The following SYMPK variants were observed in gnomAD, a reference collection of about 807,000 sequenced individuals.
The protein encoded by SYMPK is symplekin scaffold protein.
A neutral mutation model predicts 136.4 loss-of-function variants in SYMPK; 49 were observed. That is an observed-to-expected ratio of 0.36 (90% CI 0.29 to 0.46). The LOEUF (loss-of-function observed/expected upper bound fraction) is 0.46, where lower values mean the gene tolerates loss of function less well. Ranked by LOEUF, SYMPK falls within the 20% of genes least tolerant of loss-of-function variation. The pLI, the probability that SYMPK is intolerant of heterozygous loss-of-function variation, is 1.00. For missense variants in SYMPK, 1,365 were observed against 1,690.0 expected (o/e 0.81, Z 3.37); for synonymous variants, 766 against 713.0 (o/e 1.07, Z -1.19).
chr19:45,822,919 C>A (rs1970941266), intron 20 of SYMPK, 73 bp from the exon 21 acceptor site: 2 of 1,287,738 alleles, frequency 1.6e-6, no homozygotes, highest in African/African-American at 1.5e-5. Flanking sequence ...CAAGCCACCC[C>A]TTCTGCTCGC....
In SYMPK at chr19:45,821,584, T is replaced by A; in HGVS notation, c.2792-99A>T. The A allele has an allele frequency of 1.3e-6, 1 of 763,574 alleles. No individual in the cohort carries two copies. The highest frequency in any genetic ancestry group is 2.2e-6 in the Non-Finnish European group (1 of 453,976). The allele number at this position is 763,574 out of a possible 1,614,324, so 47.3% of individuals were successfully genotyped here. A position where few individuals can be genotyped will look rare whatever the true frequency, so the allele number is the denominator to read the frequency against. Reference sequence around the variant, plus strand: ...AGATCGGGGGAGCTGCGAGCAAAGATGAGGTGCCCTCTGCTTTCAGGGCTG... The same window carrying A: ...AGATCGGGGGAGCTGCGAGCAAAGAAGAGGTGCCCTCTGCTTTCAGGGCTG... On this transcript the variant is annotated intron_variant, in intron 21 of 26. Transcript: ENST00000245934. The surrounding 1 kb of genome is among the most constrained non-coding windows in gnomAD (Gnocchi z 4.4).
chr19:45,831,876 CAGGCTGGAGTACGG>C (rs1971184889), intron 11 of SYMPK, among the ~76,000 whole-genome samples: 1 of 148,854 alleles, frequency 6.7e-6, no homozygotes, highest in Admixed American at 6.6e-5. Flanking sequence ...CTCTGTCACC[CAGGCTGGAGTACGG>C]TGGTGCAATC....
chr19:45,855,240 G>C (rs577435607), intron 1 of SYMPK: 1 of 152,292 alleles, frequency 6.6e-6, no homozygotes, highest in African/African-American at 2.4e-5. Context: ...GCACATAGTA[G>C]GCACTCAATA....
In SYMPK at chr19:45,818,094, G is replaced by A. The variant is rs947458773; in HGVS notation, c.2946C>T (p.Ala982=). 13 of 1,557,894 alleles carry A rather than the reference G, an allele frequency of 8.3e-6. No homozygotes were observed. The highest frequency in any genetic ancestry group is 4.1e-5 in the African/African-American group (3 of 73,340). Residue 982 remains alanine, a synonymous_variant, in exon 23 of 27, where the codon GCC becomes GCT. Transcript: ENST00000245934. ...ERNVYTSEVL[A]VVMQQLMEQS... Reference sequence around the variant, plus strand: ...GCTCCATCAGCTGCTGCATCACCACGGCCAGCACCTCTGACGTGTACACGT... The same window carrying A: ...GCTCCATCAGCTGCTGCATCACCACAGCCAGCACCTCTGACGTGTACACGT...
At chr19:45,817,070 A>C in intron 23 of SYMPK, 96 bp from the exon 24 acceptor site, 1 of 1,260,350 alleles carries the variant, frequency 7.9e-7, no homozygotes, top group Non-Finnish European at 1.1e-6. Context: ...CCATGCCCAA[A>C]TCCCACCATC....
At chr19:45,830,278 T>C in intron 12 of SYMPK, 74 bp from the exon 13 acceptor site, 1 of 1,512,022 alleles carries the variant, frequency 6.6e-7, no homozygotes, top group Non-Finnish European at 9.0e-7. Context: ...CTCTCCCAAC[T>C]TCAAGGACTA....
intron 14 of SYMPK, 135 bp from the exon 15 acceptor site, chr19:45,828,053 C>T (rs1163343489): frequency 2.7e-6 from 2 of 730,080 alleles, no homozygotes; most frequent in East Asian, 5.2e-5. Flanking sequence ...GCTTATAAAG[C>T]TTTGGAGGTG....
intron 23 of SYMPK, among the ~76,000 whole-genome samples, chr19:45,817,417 CTTTTTTTTTTTTTTT>C (rs559430104): frequency 2.8e-5 from 3 of 108,476 alleles, no homozygotes; most frequent in Non-Finnish European, 3.7e-5. Context: ...TTTTTGTTCT[CTTTTTTTTTTTTTTT>C]TTTTTTTTTT....
rs749040878 is a variant in SYMPK, at chr19:45,847,733, A to G, written c.676+19T>C. 1.9e-6 allele frequency: 3 copies of G among 1,596,138 alleles called. No homozygotes were observed. The East Asian group carries it at 6.8e-5, about 36-fold the overall frequency. ...CTGGTGCAGGGCTGTCAGGGGTGGC[A>G]GCTGAAGGCAGTACTCACTGTACTG... On this transcript the variant is annotated intron_variant, in intron 7 of 26. Coordinates refer to ENST00000245934, the MANE Select transcript of SYMPK (RefSeq NM_004819.3).
chr19:45,821,348 G>A lies in SYMPK; in HGVS notation c.2893+36C>T, dbSNP rs748988158. 21 of 1,520,212 alleles carry A rather than the reference G, an allele frequency of 1.4e-5. No homozygotes were observed. The highest frequency in any genetic ancestry group is 1.8e-5 in the Non-Finnish European group (20 of 1,095,554). The allele number at this position is 1,520,212 out of a possible 1,614,324, so 94.2% of individuals were successfully genotyped here. On this transcript the variant is annotated intron_variant, in intron 22 of 26. Transcript: ENST00000245934. The surrounding 1 kb of genome is among the most constrained non-coding windows in gnomAD (Gnocchi z 4.4). ...CTGAGGTCCTGCCCTGGCGTCGCAGGGGCCAGGCCACTGGAGTGGGGGGGA... is the reference window on the plus strand; with the variant it reads ...CTGAGGTCCTGCCCTGGCGTCGCAGAGGCCAGGCCACTGGAGTGGGGGGGA...
chr19:45,852,813 T>C (rs746793841), intron 3 of SYMPK, among the ~76,000 whole-genome samples: 1 of 152,096 alleles, frequency 6.6e-6, no homozygotes, highest in African/African-American at 2.4e-5. Context: ...TCCTGGTAGA[T>C]AGTGAGGACA....
intron 16 of SYMPK, among the ~76,000 whole-genome samples, chr19:45,827,058 C>A (rs958304063): frequency 1.3e-5 from 2 of 152,214 alleles, no homozygotes; most frequent in African/African-American, 2.4e-5. Context: ...TGGTCGGCCC[C>A]TCCCTCCCCA....
intron 5 of SYMPK, among the ~76,000 whole-genome samples, chr19:45,850,851 C>T (rs1407370523): frequency 6.6e-6 from 1 of 152,002 alleles, no homozygotes; most frequent in Admixed American, 6.6e-5. Flanking sequence ...CTGTAAAGAA[C>T]AGTGAAGGTG....
At chr19:45,848,579 C>T (rs533172266) in intron 6 of SYMPK, among the ~76,000 whole-genome samples, 171 bp downstream of exon 6, 30 of 152,350 alleles carry the variant, frequency 2.0e-4, no homozygotes, top group Non-Finnish European at 4.1e-4. Context: ...TTAAGTGCAA[C>T]TTCCTGACCT....
intron 5 of SYMPK, among the ~76,000 whole-genome samples, chr19:45,851,175 G>A (rs896716003): frequency 1.3e-5 from 2 of 152,210 alleles, no homozygotes; most frequent in Non-Finnish European, 1.5e-5. Context: ...GCTGCTGAGT[G>A]CAAGAGTGGA....
chr19:45,836,658 A>G (rs1971308495), intron 10 of SYMPK, among the ~76,000 whole-genome samples: 1 of 151,470 alleles, frequency 6.6e-6, no homozygotes, highest in African/African-American at 2.4e-5. Context: ...TTTTTCTTAG[A>G]GACAGGGTCT....
At chr19:45,848,476 C>T (rs1971619257) in intron 6 of SYMPK, among the ~76,000 whole-genome samples, 3 of 152,172 alleles carry the variant, frequency 2.0e-5, no homozygotes, top group Admixed American at 1.3e-4. Context: ...TGCTGTGTCC[C>T]CAGCATCACC....
At chr19:45,817,105 A>G (rs554469079) in intron 23 of SYMPK, 131 bp from the exon 24 acceptor site, 21 of 949,002 alleles carry the variant, frequency 2.2e-5, no homozygotes, top group Middle Eastern at 3.2e-4. Flanking sequence ...ATGGGCAACA[A>G]GCAGCCCCGA....
intron 7 of SYMPK, among the ~76,000 whole-genome samples, chr19:45,847,503 G>A (rs1370155338): frequency 6.6e-6 from 1 of 151,876 alleles, no homozygotes; most frequent in Non-Finnish European, 1.5e-5. Flanking sequence ...AAACCTGTGA[G>A]AGTGGTACTA....
Sources: allele counts gnomAD v4.1 joint callset (sites outside exome capture counted in the v4.1 genomes callset), GRCh38; gene constraint gnomAD v4.1.1; non-coding constraint Gnocchi (gnomAD v3.1); transcripts MANE v1.5; gene names NCBI Gene and HGNC (gene_info 2026-07-23, HGNC 2026-07-21).